The following SCFD2 variants were observed in gnomAD, a reference collection of about 807,000 sequenced individuals.
The protein encoded by SCFD2 is sec1 family domain containing 2, also known as sec1 family domain-containing protein 2.
A neutral mutation model predicts 58.9 loss-of-function variants in SCFD2; 54 were observed. The ratio of observed to expected loss-of-function variants is 0.92; its 90% CI spans 0.74 to 1.15. The LOEUF is 1.15. SCFD2 is among the 50% of genes most tolerant of loss of function. The probability of loss-of-function intolerance (pLI) is 0.00; values close to 1 mark genes in which losing one functional copy is unlikely to be tolerated. For synonymous variants in SCFD2, 321 were observed against 335.9 expected (o/e 0.96, Z 0.49); for missense variants, 805 against 836.6 (o/e 0.96, Z 0.47).
intron 4 of SCFD2, among the ~76,000 whole-genome samples, chr4:53,165,554 T>C (rs962773986): frequency 2.6e-5 from 4 of 152,098 alleles, no homozygotes; most frequent in Admixed American, 1.3e-4. Flanking sequence ...CCACTCCTGC[T>C]CCCACCCTGA....
intron 1 of SCFD2, among the ~76,000 whole-genome samples, chr4:53,357,346 T>A (rs988716303): frequency 6.6e-6 from 1 of 152,092 alleles, no homozygotes; most frequent in Non-Finnish European, 1.5e-5. Context: ...CAAGAATCGC[T>A]TGAATCCAAG....
At chr4:53,185,474 C>A (rs538104350) in intron 4 of SCFD2, among the ~76,000 whole-genome samples, 17 of 152,178 alleles carry the variant, frequency 1.1e-4, no homozygotes, top group African/African-American at 4.1e-4. Context: ...TCTTAAAATT[C>A]TATTGTAGAC....
chr4:53,077,041 A>G (rs1250715248), intron 5 of SCFD2, among the ~76,000 whole-genome samples: 1 of 152,176 alleles, frequency 6.6e-6, no homozygotes, highest in African/African-American at 2.4e-5. Flanking sequence ...TAGAACTTGC[A>G]TTGTATTTTC....
chr4:52,932,297 G>A (rs1335417758), intron 5 of SCFD2, among the ~76,000 whole-genome samples: 1 of 152,142 alleles, frequency 6.6e-6, no homozygotes, highest in Non-Finnish European at 1.5e-5. Context: ...AGTTTAACTT[G>A]TCTGCTAATT....
At chr4:53,065,620 T>G (rs1288989537) in intron 5 of SCFD2, among the ~76,000 whole-genome samples, 1 of 152,120 alleles carries the variant, frequency 6.6e-6, no homozygotes, top group Non-Finnish European at 1.5e-5. Flanking sequence ...ATCTTTTAGG[T>G]CAACATTATT....
At chr4:52,975,152 A>C in intron 5 of SCFD2, among the ~76,000 whole-genome samples, 1 of 152,178 alleles carries the variant, frequency 6.6e-6, no homozygotes, top group Non-Finnish European at 1.5e-5. Context: ...ATGGCAACAA[A>C]AGCCAAAATT....
chr4:52,917,063 A>C (rs1719627242), intron 6 of SCFD2, among the ~76,000 whole-genome samples: 1 of 151,744 alleles, frequency 6.6e-6, no homozygotes, highest in South Asian at 2.1e-4. Context: ...ACACCCACCT[A>C]ATTTTTTTAA....
At chr4:52,948,384 C>T (rs1419887341) in intron 5 of SCFD2, 1 of 303,804 alleles carries the variant, frequency 3.3e-6, no homozygotes, top group African/African-American at 2.2e-5. Flanking sequence ...CAAGTGATTT[C>T]AGTCAAAGGG....
At chr4:52,896,900 G>C (rs898429299) in intron 7 of SCFD2, among the ~76,000 whole-genome samples, 2 of 152,116 alleles carry the variant, frequency 1.3e-5, no homozygotes, top group Non-Finnish European at 2.9e-5. Context: ...TGGATTCCTC[G>C]TATTTTATTC....
intron 1 of SCFD2, among the ~76,000 whole-genome samples, chr4:53,355,983 G>A (rs1734387181): frequency 6.6e-6 from 1 of 152,176 alleles, no homozygotes; most frequent in African/African-American, 2.4e-5. Context: ...ATTCAGAGTG[G>A]CTTAACTGGG....
rs533939429 is a variant in SCFD2, at chr4:52,975,308, T to A, written c.1562-54438A>T. The stretch of plus-strand genomic sequence containing the variant: ...CTAATATCCAGAATCTACAATGAAC[T>A]CAAACAAATTTATAAGAAAAAAACA... On this transcript the variant is annotated intron_variant, in intron 5 of 8. Transcript: ENST00000401642. Among the ~76,000 whole-genome samples the A allele has an allele frequency of 1.3e-3, 199 of 152,072 alleles. 1 individual carries two copies. Among genetic ancestry groups the A allele is most frequent in the African/African-American group, 4.5e-3 (187 of 41,480 alleles).
Position 53,145,349 on chromosome 4 carries a change from C to A in SCFD2, c.1545G>T (p.Leu515Phe), listed in dbSNP as rs1228629818. 1 of 1,613,600 alleles carries A rather than the reference C, an allele frequency of 6.2e-7. No individual in the cohort carries two copies. The highest frequency in any genetic ancestry group is 1.7e-4 in the Middle Eastern group (1 of 6,054). ...VFCEESGLSP[L>F]LQKITDWDSS... ...GACACTCACCCGTAATTTTTTGCAG[C>A]AAAGGTGACAATCCAGATTCCTCAC... is the stretch of plus-strand genomic sequence containing the variant. Residue 515 changes from leucine (L) to phenylalanine (F), a missense_variant, in exon 5 of 9, where the codon TTG becomes TTT. Leu to Phe is a conservative substitution (Grantham distance 22). Coordinates refer to ENST00000401642, the MANE Select transcript of SCFD2 (RefSeq NM_152540.4).
intron 5 of SCFD2, among the ~76,000 whole-genome samples, chr4:53,007,108 C>G (rs73250921): frequency 0.042 from 6,451 of 151,806 alleles, 224 homozygotes; most frequent in Non-Finnish European, 0.062. Context: ...TAATGAGACC[C>G]TGTCTCTAAA....
chr4:53,215,790 A>G (rs1209806749), intron 4 of SCFD2, among the ~76,000 whole-genome samples: 3 of 151,982 alleles, frequency 2.0e-5, no homozygotes, highest in Non-Finnish European at 1.5e-5. Flanking sequence ...GTTTGTCATA[A>G]ATAGCTCTTA....
chr4:53,174,440 A>G lies in SCFD2; in HGVS notation c.1312-28858T>C, dbSNP rs74929204. 5.1e-4 allele frequency among the ~76,000 whole-genome samples: 78 copies of G among 152,334 alleles called. 1 individual carries two copies. The East Asian group carries it at 0.013, about 26-fold the overall frequency. Reference sequence around the variant, plus strand: ...TACATACACATCTGAAAAGCAGTCAAAGAAAAATGGATCACATACAAAGAA... The same window carrying G: ...TACATACACATCTGAAAAGCAGTCAGAGAAAAATGGATCACATACAAAGAA... On this transcript the variant is annotated intron_variant, in intron 4 of 8. Transcript: ENST00000401642.
intron 4 of SCFD2, among the ~76,000 whole-genome samples, chr4:53,267,628 C>T (rs960708568): frequency 6.6e-6 from 1 of 152,132 alleles, no homozygotes; most frequent in Non-Finnish European, 1.5e-5. Flanking sequence ...TGTTGCCAGG[C>T]TGGAGCGCAG....
rs775653980 is a variant in SCFD2 at position 53,365,414 on chromosome 4, A to G, written c.528T>C (p.Leu176=). The G allele has an allele frequency of 2.0e-5, 32 of 1,614,036 alleles. No individual in the cohort carries two copies. The highest frequency in any genetic ancestry group is 2.7e-5 in the Non-Finnish European group (32 of 1,180,030). ...HFALTPAFAS[L]FPLLPQDVHL... ...GCACATCCTGGGGTAGCAGTGGGAA[A>G]AGGGATGCAAAAGCTGGAGTCAAGG... Residue 176 remains leucine (L), a synonymous_variant, in exon 1 of 9, where the codon CTT becomes CTC. Coordinates refer to ENST00000401642, the MANE Select transcript of SCFD2 (RefSeq NM_152540.4). The surrounding 1 kb of genome is among the most constrained non-coding windows in gnomAD (Gnocchi z 4.3).
chr4:53,163,048 C>T (rs1455650353), intron 4 of SCFD2, among the ~76,000 whole-genome samples: 1 of 152,050 alleles, frequency 6.6e-6, no homozygotes, highest in Non-Finnish European at 1.5e-5. Flanking sequence ...TATTGGGTAA[C>T]AAAGCACCAT....
intron 8 of SCFD2, among the ~76,000 whole-genome samples, chr4:52,877,784 T>G (rs757418705): frequency 5.9e-5 from 9 of 152,154 alleles, no homozygotes; most frequent in Non-Finnish European, 1.2e-4. Flanking sequence ...CAAGTGTGAA[T>G]CTGATCGCAT....
Sources: gnomAD v4.1 joint callset for allele counts (sites outside exome capture counted in the v4.1 genomes callset) on GRCh38, gnomAD v4.1.1 for gene constraint, Gnocchi (gnomAD v3.1) non-coding constraint, MANE v1.5 for transcripts, NCBI Gene and HGNC (gene_info 2026-07-23, HGNC 2026-07-21) for gene names.